IRAG2: variants seen among roughly 807,000 people sequenced by gnomAD.
IRAG2 encodes the protein lymphoid restricted membrane protein.
In IRAG2, 45 loss-of-function variants were observed where a neutral mutation model predicts 69.9. The observed-to-expected ratio is 0.64, with a 90% CI of 0.51 to 0.83. IRAG2 has a LOEUF of 0.83. IRAG2 is among the 40% of genes least tolerant of loss of function. The pLI is 0.00. For missense variants in IRAG2, 520 were observed against 587.0 expected (o/e 0.89, Z 1.18); for synonymous variants, 193 against 202.4 (o/e 0.95, Z 0.40).
At chr12:25,027,649 C>T (rs1944634603) in intron 9 of IRAG2, among the ~76,000 whole-genome samples, 1 of 152,094 alleles carries the variant, frequency 6.6e-6, no homozygotes, top group African/African-American at 2.4e-5. Context: ...CCACCTCGGC[C>T]TCCCAAAGTG....
intron 3 of IRAG2, among the ~76,000 whole-genome samples, chr12:25,011,933 T>G (rs539779837): frequency 6.6e-6 from 1 of 152,162 alleles, no homozygotes; most frequent in Non-Finnish European, 1.5e-5. Flanking sequence ...CAAATGTATT[T>G]AAATTCAATA....
intron 3 of IRAG2, among the ~76,000 whole-genome samples, chr12:25,011,908 A>G (rs1473206143): frequency 6.6e-6 from 1 of 152,210 alleles, no homozygotes; most frequent in Admixed American, 6.5e-5. Context: ...TGAATTATTG[A>G]TACTATCAAA....
At chr12:25,022,143 G>A (rs1303481226) in intron 7 of IRAG2, among the ~76,000 whole-genome samples, 1 of 152,170 alleles carries the variant, frequency 6.6e-6, no homozygotes, top group East Asian at 1.9e-4. Flanking sequence ...GGGCTGGGAG[G>A]GATAAATGAG....
chr12:25,053,866 G>C (rs1945037201), intron 1 of IRAG2, among the ~76,000 whole-genome samples: 1 of 151,540 alleles, frequency 6.6e-6, no homozygotes, highest in African/African-American at 2.4e-5. Context: ...TGTTTGTTTT[G>C]GATTTATTGT....
chr12:25,035,670 G>A, exon 14 of IRAG2: 1 of 398,972 alleles, frequency 2.5e-6, no homozygotes, highest in Non-Finnish European at 4.4e-6. Flanking sequence ...AAACAGAAAG[G>A]CAGCACAATG....
At chr12:25,070,223 A>G (rs1946249052) in intron 6 of IRAG2, among the ~76,000 whole-genome samples, 1 of 152,152 alleles carries the variant, frequency 6.6e-6, no homozygotes, top group Non-Finnish European at 1.5e-5. Context: ...GAATACTTTG[A>G]TCACCCCAGA....
At chr12:25,041,194 G>T (rs1944745824) in intron 16 of IRAG2, among the ~76,000 whole-genome samples, 1 of 152,134 alleles carries the variant, frequency 6.6e-6, no homozygotes, top group Non-Finnish European at 1.5e-5. Context: ...CTGGGGCAGG[G>T]TGGGGGGTAA....
At chr12:25,003,074 C>T (rs1450224540), upstream of IRAG2, among the ~76,000 whole-genome samples, 3 of 152,170 alleles carry the variant, frequency 2.0e-5, no homozygotes, top group South Asian at 4.1e-4. Context: ...TGGTGGTCCT[C>T]ATATTGAAGA....
At chr12:24,999,911 TG>T (rs1006651983), upstream of IRAG2, among the ~76,000 whole-genome samples, 5 of 152,158 alleles carry the variant, frequency 3.3e-5, no homozygotes, top group Non-Finnish European at 5.9e-5. Context: ...GTGCAACATT[TG>T]GGGGCATACT....
intron 16 of IRAG2, among the ~76,000 whole-genome samples, chr12:25,039,315 T>C (rs915852837): frequency 6.6e-6 from 1 of 152,184 alleles, no homozygotes; most frequent in African/African-American, 2.4e-5. Flanking sequence ...AAGAAAATGA[T>C]CTTCTGCTTT....
chr12:25,079,370 C>A, intron 7 of IRAG2, 28 bp from the exon 8 acceptor site: 2 of 1,611,120 alleles, frequency 1.2e-6, no homozygotes, highest in Non-Finnish European at 1.7e-6. Context: ...CCTGACATTC[C>A]AAAACATGTT....
At chr12:25,087,645 A>G (rs553194149) in intron 10 of IRAG2, among the ~76,000 whole-genome samples, 1 of 152,234 alleles carries the variant, frequency 6.6e-6, no homozygotes, top group South Asian at 2.1e-4. Flanking sequence ...AACAGCATTA[A>G]AAACTGTAGA....
Position 25,089,696 on chromosome 12 carries a change from A to G in IRAG2, c.437+19A>G, listed in dbSNP as rs1433501701. 3 of 1,608,762 alleles carry G rather than the reference A, an allele frequency of 1.9e-6. No individual in the cohort carries two copies. The highest frequency in any genetic ancestry group is 1.7e-5 in the Admixed American group (1 of 59,964). The stretch of plus-strand genomic sequence containing the variant: ...GTGAGAAGTAAGTGCTTCTTCATGT[A>G]GCATGTTAACATGTTTTATTTTTCT... On this transcript the variant is annotated intron_variant, in intron 12 of 21. Coordinates refer to ENST00000556887, the MANE Select transcript of IRAG2 (RefSeq NM_001366544.2).
At chr12:25,011,665 A>G (rs1341777059) in intron 3 of IRAG2, 6 of 670,814 alleles carry the variant, frequency 8.9e-6, no homozygotes, top group African/African-American at 7.5e-5. Flanking sequence ...GTGCTTTAGC[A>G]TGCATTAGAA....
intron 5 of IRAG2, chr12:25,017,064 C>T: frequency 8.5e-7 from 1 of 1,171,458 alleles, no homozygotes; most frequent in Non-Finnish European, 1.1e-6. Flanking sequence ...GTTTGTTTAA[C>T]CGTATACCTT....
intron 11 of IRAG2, 47 bp from the exon 12 acceptor site, chr12:25,089,567 C>T: frequency 1.7e-6 from 2 of 1,157,470 alleles, no homozygotes; most frequent in Non-Finnish European, 1.2e-6. Context: ...TGTGCTTTTA[C>T]AGGTCAAGCC....
chr12:25,085,495 C>T (rs2140140674), intron 10 of IRAG2, among the ~76,000 whole-genome samples: 1 of 152,294 alleles, frequency 6.6e-6, no homozygotes, highest in South Asian at 2.1e-4. Context: ...GTCAGTCTGC[C>T]AGTCTGCTGG....
In IRAG2 at chr12:25,064,915, C is replaced by A. The variant is rs1247949043; in HGVS notation, c.-207+1099C>A. Among the ~76,000 whole-genome samples, 3 of 152,192 alleles carry A rather than the reference C, an allele frequency of 2.0e-5. No homozygotes were observed. The East Asian group carries it at 5.8e-4, about 29-fold the overall frequency. On this transcript the variant is annotated intron_variant, in intron 4 of 21. Coordinates refer to ENST00000556887, the MANE Select transcript of IRAG2 (RefSeq NM_001366544.2). Reference sequence around the variant, plus strand: ...GACCAGCCTGGCCAATATGGTGAAACCTCGTCTCTACTAAAAATACAAAAA... The same window carrying A: ...GACCAGCCTGGCCAATATGGTGAAAACTCGTCTCTACTAAAAATACAAAAA...
At chr12:25,087,180 T>TTTTTGTTG (rs1450270058) in intron 10 of IRAG2, among the ~76,000 whole-genome samples, 18 of 125,222 alleles carry the variant, frequency 1.4e-4, no homozygotes, top group African/African-American at 5.6e-4. Flanking sequence ...TTTTTTTTTT[T>TTTTTGTTG]TTGTTGAGAC....
Sources: gnomAD v4.1 joint callset for allele counts (sites outside exome capture counted in the v4.1 genomes callset) on GRCh38, gnomAD v4.1.1 for gene constraint, MANE v1.5 for transcripts, NCBI Gene and HGNC (gene_info 2026-07-23, HGNC 2026-07-21) for gene names.